The following CHAF1B variants were observed in gnomAD, a reference collection of about 807,000 sequenced individuals.
CHAF1B encodes the protein chromatin assembly factor 1 subunit B, also known as CAF-1 subunit B.
A neutral mutation model predicts 60.7 loss-of-function variants in CHAF1B; 10 were observed. The observed-to-expected ratio is 0.16, with a 90% CI of 0.10 to 0.28. The LOEUF (loss-of-function observed/expected upper bound fraction) is 0.28. CHAF1B is among the 10% of genes least tolerant of loss of function. CHAF1B has a pLI of 1.00. For synonymous variants in CHAF1B, 261 were observed against 266.1 expected, an observed-to-expected ratio of 0.98 and a Z score of 0.19; for missense variants, 558 against 708.4, an observed-to-expected ratio of 0.79 and a Z score of 2.41.
At chr21:36,413,465 G>A in intron 12 of CHAF1B, 150 bp downstream of exon 12, 1 of 766,046 alleles carries the variant, frequency 1.3e-6, no homozygotes. Context: ...ATCCGAGAGT[G>A]TCATTTCTTG....
At chr21:36,386,473 G>A (rs781421427) in intron 2 of CHAF1B, among the ~76,000 whole-genome samples, 1 of 152,104 alleles carries the variant, frequency 6.6e-6, no homozygotes, top group Non-Finnish European at 1.5e-5. Flanking sequence ...ACGTGGCAGT[G>A]TGCAGCTGTA....
chr21:36,390,063 G>A (rs1037276529), intron 3 of CHAF1B, among the ~76,000 whole-genome samples: 30 of 152,236 alleles, frequency 2.0e-4, no homozygotes, highest in African/African-American at 7.2e-4. Context: ...GCTGGGTGCG[G>A]TGGCTCACGC....
In CHAF1B at chr21:36,387,619, C is replaced by G. The variant is rs1264538803; in HGVS notation, c.148C>G (p.Pro50Ala). Residue 50 changes from proline (P) to alanine (A), a missense_variant, in exon 3 of 14, where the codon CCA (proline) becomes GCA (alanine). Physicochemically the swap from Pro to Ala is conservative, Grantham distance 27. Coordinates refer to ENST00000314103, the MANE Select transcript of CHAF1B (RefSeq NM_005441.3). Reference sequence around the variant, plus strand: ...ACAGATCTGGAAGGTAGAAAAGGGACCAGATGGAAAAGCCATCGTGGAATT... The same window carrying G: ...ACAGATCTGGAAGGTAGAAAAGGGAGCAGATGGAAAAGCCATCGTGGAATT... ...NVRIWKVEKGPDGKAIVEFLS... is the reference protein window; with the variant it reads ...NVRIWKVEKGADGKAIVEFLS... 3 of 1,614,100 alleles carry G rather than the reference C, an allele frequency of 1.9e-6. No individual in the cohort carries two copies. The Admixed American group carries it at 5.0e-5, about 27-fold the overall frequency.
At chr21:36,408,207 A>G (rs2086252227) in intron 8 of CHAF1B, among the ~76,000 whole-genome samples, 1 of 152,090 alleles carries the variant, frequency 6.6e-6, no homozygotes, top group Non-Finnish European at 1.5e-5. Context: ...GCAGGGGGTG[A>G]GTGTAGAAGA....
chr21:36,387,122 G>A (rs2086041228), intron 2 of CHAF1B, among the ~76,000 whole-genome samples: 1 of 152,176 alleles, frequency 6.6e-6, no homozygotes, highest in East Asian at 1.9e-4. Flanking sequence ...TAGAAAGAAG[G>A]CGGAGGGGGA....
At chr21:36,397,284 G>C (rs1487158133) in intron 5 of CHAF1B, 131 bp from the exon 6 acceptor site, 1 of 430,230 alleles carries the variant, frequency 2.3e-6, no homozygotes, top group African/African-American at 2.0e-5. Flanking sequence ...TTAGTACAGA[G>C]TCTCTCACTT....
At chr21:36,389,509 G>C (rs185579170) in intron 3 of CHAF1B, among the ~76,000 whole-genome samples, 262 of 151,696 alleles carry the variant, frequency 1.7e-3, no homozygotes, top group Non-Finnish European at 3.2e-3. Context: ...AGGAGGCTGA[G>C]GTGGAGAATC....
intron 11 of CHAF1B, 191 bp from the exon 12 acceptor site, chr21:36,412,693 A>T (rs1381076559): frequency 1.7e-6 from 1 of 603,174 alleles, no homozygotes; most frequent in Non-Finnish European, 2.9e-6. Context: ...TAGCACAGAT[A>T]GGTTGCAGCG....
intron 3 of CHAF1B, among the ~76,000 whole-genome samples, chr21:36,390,029 G>A (rs1449594589): frequency 1.3e-5 from 2 of 152,004 alleles, no homozygotes; most frequent in East Asian, 1.9e-4. Flanking sequence ...ATAGGATTCC[G>A]GTTAACTTAG....
At chr21:36,400,120 C>T (rs1382402946) in intron 7 of CHAF1B, among the ~76,000 whole-genome samples, 1 of 151,630 alleles carries the variant, frequency 6.6e-6, no homozygotes, top group African/African-American at 2.4e-5. Context: ...GAGGTCTTAG[C>T]CGTGAGCGGA....
At chr21:36,403,982 T>C (rs2086213903) in intron 8 of CHAF1B, among the ~76,000 whole-genome samples, 1 of 152,164 alleles carries the variant, frequency 6.6e-6, no homozygotes, top group Non-Finnish European at 1.5e-5. Context: ...CTGCGGAACA[T>C]GTGCGAATGA....
intron 8 of CHAF1B, among the ~76,000 whole-genome samples, chr21:36,405,294 TG>T (rs1167484846): frequency 6.6e-6 from 1 of 152,176 alleles, no homozygotes; most frequent in Non-Finnish European, 1.5e-5. Flanking sequence ...TTTGATAAGA[TG>T]GCTGGATATT....
At chr21:36,387,507 C>T (rs1357856028) in intron 2 of CHAF1B, 91 bp from the exon 3 acceptor site, 1 of 1,505,946 alleles carries the variant, frequency 6.6e-7, no homozygotes, top group African/African-American at 1.4e-5. Flanking sequence ...AGTTGTGAGC[C>T]ACCACACCCA....
At chr21:36,398,679 A>G (rs544762979) in intron 6 of CHAF1B, among the ~76,000 whole-genome samples, 2 of 152,318 alleles carry the variant, frequency 1.3e-5, no homozygotes, top group Admixed American at 1.3e-4. Context: ...TAATGACTCC[A>G]TTTAAATGGA....
intron 5 of CHAF1B, among the ~76,000 whole-genome samples, chr21:36,396,771 G>A (rs952918459): frequency 1.3e-4 from 20 of 151,966 alleles, no homozygotes; most frequent in African/African-American, 4.3e-4. Context: ...ATCCCTGTTC[G>A]CATTGTCTGC....
chr21:36,400,841 G>A lies in CHAF1B; in HGVS notation c.663+1236G>A, dbSNP rs568109826. Among the ~76,000 whole-genome samples, 4 of 152,324 alleles carry A rather than the reference G, an allele frequency of 2.6e-5. No individual in the cohort carries two copies. The South Asian group carries it at 8.3e-4, about 32-fold the overall frequency. ...AAAGGAATCAAGGCTACCGAGGCAGGCAGCGAGGTGCGGGGAGCAAGCTGG... is the reference window on the plus strand; with the variant it reads ...AAAGGAATCAAGGCTACCGAGGCAGACAGCGAGGTGCGGGGAGCAAGCTGG... On this transcript the variant is annotated intron_variant, in intron 7 of 13. Transcript: ENST00000314103.
chr21:36,409,350 C>G, intron 9 of CHAF1B, 24 bp from the exon 10 acceptor site: 1 of 1,595,082 alleles, frequency 6.3e-7, no homozygotes, highest in Non-Finnish European at 8.6e-7. Flanking sequence ...GTGCCTTTTC[C>G]TAACACTGCA....
At chr21:36,390,336 A>AAG (rs1285525306) in intron 3 of CHAF1B, among the ~76,000 whole-genome samples, 16 of 149,672 alleles carry the variant, frequency 1.1e-4, no homozygotes, top group East Asian at 6.0e-4. Flanking sequence ...ACCATCTCAA[A>AAG]AAAAAAAAAA....
At chr21:36,397,702 G>C in intron 6 of CHAF1B, 191 bp downstream of exon 6, 1 of 215,198 alleles carries the variant, frequency 4.6e-6, no homozygotes, top group South Asian at 1.3e-4. Flanking sequence ...CTTACACGAA[G>C]TTTGTACTTA....
Sources: gnomAD v4.1 joint callset for allele counts (sites outside exome capture counted in the v4.1 genomes callset) on GRCh38, gnomAD v4.1.1 for gene constraint, MANE v1.5 for transcripts, NCBI Gene and HGNC (gene_info 2026-07-23, HGNC 2026-07-21) for gene names.